Variants in LFNG observed in about 807,000 individuals in gnomAD.
LFNG encodes the protein LFNG O-fucosylpeptide 3-beta-N-acetylglucosaminyltransferase, also known as beta-1,3-N-acetylglucosaminyltransferase lunatic fringe.
A neutral mutation model predicts 32.7 loss-of-function variants in LFNG; 15 were observed. That is an observed-to-expected ratio of 0.46 (90% CI 0.31 to 0.71). LFNG has a LOEUF of 0.71. Ranked by LOEUF, LFNG falls within the 30% of genes least tolerant of loss-of-function variation. LFNG has a pLI of 0.06. For missense variants in LFNG, 520 were observed against 545.7 expected (o/e 0.95, Z 0.47); for synonymous variants, 274 against 246.8 (o/e 1.11, Z -1.03).
At chr7:2,518,726 C>G (rs1411686585), upstream of LFNG, 2 of 1,292,006 alleles carry the variant, frequency 1.5e-6, no homozygotes, top group Admixed American at 2.5e-5. Flanking sequence ...AGAGACCCTG[C>G]TTAGGAGGGC....
chr7:2,526,732 G>T lies in LFNG; in HGVS notation c.988-104G>T. 2.8e-6 allele frequency: 3 copies of T among 1,068,614 alleles called. No individual in the cohort carries two copies. In the Admixed American group the frequency reaches 5.6e-5, roughly 20 times the overall value. 66.2% of individuals were successfully genotyped at this position (1,068,614 alleles called of 1,614,324 possible). A position where few individuals can be genotyped will look rare whatever the true frequency, so the allele number is the denominator to read the frequency against. On this transcript the variant is annotated intron_variant, in intron 6 of 7. Transcript: ENST00000222725. This position sits in a 1 kb window ranked among gnomAD's most constrained non-coding sequence, Gnocchi z 6.9. ...CAGGTGTCCTTCCAGGTCCAAGGGA[G>T]GCCAGGGCAGGGCCGTTGCCTCACT...
In LFNG at chr7:2,527,255, A is replaced by G; in HGVS notation, c.*43A>G. The G allele has an allele frequency of 1.2e-6, 2 of 1,606,506 alleles. No homozygotes were observed. The highest frequency in any genetic ancestry group is 2.2e-5 in the South Asian group (2 of 90,596). ...CAATCCCTGGGCGCCCCTGGTATCCAAAGGGCCCAGGGACCCTGTTGCGCT... is the reference window on the plus strand; with the variant it reads ...CAATCCCTGGGCGCCCCTGGTATCCGAAGGGCCCAGGGACCCTGTTGCGCT... On this transcript the variant is annotated 3_prime_UTR_variant, in exon 8 of 8. Coordinates refer to ENST00000222725, the MANE Select transcript of LFNG (RefSeq NM_001040167.2). The surrounding 1 kb of genome is among the most constrained non-coding windows in gnomAD (Gnocchi z 4.4).
intron 1 of LFNG, among the ~76,000 whole-genome samples, chr7:2,521,364 T>C (rs903980231): frequency 1.3e-5 from 2 of 152,162 alleles, no homozygotes; most frequent in African/African-American, 4.8e-5. Flanking sequence ...TGGGTTTTGT[T>C]TGGCGGCCGG....
At position 2,519,972 on chromosome 7, in the gene LFNG, C is replaced by T; in HGVS notation, c.111C>T (p.Arg37=). 1 of 983,636 alleles carries T rather than the reference C, an allele frequency of 1.0e-6. No individual in the cohort carries two copies. The highest frequency in any genetic ancestry group is 1.2e-6 in the Non-Finnish European group (1 of 830,496). The allele number at this position is 983,636 out of a possible 1,614,324, so 60.9% of individuals were successfully genotyped here. Residue 37 remains arginine (R), a synonymous_variant, in exon 1 of 8, where the codon CGC becomes CGT. Transcript: ENST00000222725. The stretch of plus-strand genomic sequence containing the variant: ...CGCCGCCTCCACTGCCCGCCGAGCG[C>T]GGCCGGCGCGCGCTGCGCAGCCTGG... ...DPPPPPLPAE[R]GRRALRSLAG... is the part of the protein sequence containing the mutation.
At position 2,527,631 on chromosome 7, in the gene LFNG, C is replaced by T. The variant is rs1341889184; in HGVS notation, c.*419C>T. ...AGCTCTGTGCTGGGGGTACCTGTGC[C>T]CTGAAGTCCTGGCCCCTGTGTCATA... On this transcript the variant is annotated 3_prime_UTR_variant, in exon 8 of 8. Coordinates refer to ENST00000222725, the MANE Select transcript of LFNG (RefSeq NM_001040167.2). This position sits in a 1 kb window ranked among gnomAD's most constrained non-coding sequence, Gnocchi z 4.4. 2 of 1,163,096 alleles carry T rather than the reference C, an allele frequency of 1.7e-6. No homozygotes were observed. Among genetic ancestry groups the T allele is most frequent in the East Asian group, 6.0e-5 (1 of 16,628 alleles). The allele number at this position is 1,163,096 out of a possible 1,614,324, so 72.0% of individuals were successfully genotyped here.
upstream of LFNG, among the ~76,000 whole-genome samples, chr7:2,518,135 C>G (rs1779674820): frequency 6.6e-6 from 1 of 152,184 alleles, no homozygotes; most frequent in Admixed American, 6.5e-5. Context: ...TGGGACTCAG[C>G]TGACTTTGTG....
upstream of LFNG, among the ~76,000 whole-genome samples, chr7:2,518,797 C>T (rs975153213): frequency 3.9e-5 from 6 of 152,060 alleles, no homozygotes; most frequent in African/African-American, 1.2e-4. Context: ...GAGGACGTGG[C>T]GGGCAGGGGG....
rs1184216705 is a variant in LFNG, at chr7:2,526,528, A to G, written c.987+119A>G. On this transcript the variant is annotated intron_variant, in intron 6 of 7. Transcript: ENST00000222725. The surrounding 1 kb of genome is among the most constrained non-coding windows in gnomAD (Gnocchi z 6.9). ...AAACAGGGAGGCCAGGCAGCACTCC[A>G]CTGTCAGCCAGGGGGGGTCACTCCT... 6.5e-5 allele frequency: 73 copies of G among 1,121,538 alleles called. No homozygotes were observed. The highest frequency in any genetic ancestry group is 9.1e-5 in the Non-Finnish European group (70 of 773,108). The allele number at this position is 1,121,538 out of a possible 1,614,324, so 69.5% of individuals were successfully genotyped here.
chr7:2,513,409 G>A (rs183399151), upstream of LFNG: 201 of 1,421,188 alleles, frequency 1.4e-4, no homozygotes, highest in African/African-American at 1.5e-3. Context: ...ATGCTGTATC[G>A]TCTTCCCTGA....
chr7:2,525,903 T>G lies in LFNG; in HGVS notation c.821+133T>G, dbSNP rs992152890. Reference sequence around the variant, plus strand: ...GGCACTGCCCACTTACTTCCTATATTCCACTTCCCTCTGGGTTTCAGAGGG... The same window carrying G: ...GGCACTGCCCACTTACTTCCTATATGCCACTTCCCTCTGGGTTTCAGAGGG... On this transcript the variant is annotated intron_variant, in intron 5 of 7. Coordinates refer to ENST00000222725, the MANE Select transcript of LFNG (RefSeq NM_001040167.2). The G allele has an allele frequency of 3.7e-6, 3 of 816,908 alleles. No individual in the cohort carries two copies. The African/African-American group carries it at 5.1e-5, about 14-fold the overall frequency. 50.6% of individuals were successfully genotyped at this position (816,908 alleles called of 1,614,324 possible).
chr7:2,526,459 C>A lies in LFNG; in HGVS notation c.987+50C>A, dbSNP rs754785869. ...AGGACTCCGAGAGCACAGGAAGGGA[C>A]GTGTGGCTGCCGAGAGGGGCGCAGT... On this transcript the variant is annotated intron_variant, in intron 6 of 7. Transcript: ENST00000222725. This position sits in a 1 kb window ranked among gnomAD's most constrained non-coding sequence, Gnocchi z 6.9. 1 of 1,592,094 alleles carries A rather than the reference C, an allele frequency of 6.3e-7. No individual in the cohort carries two copies. The highest frequency in any genetic ancestry group is 8.5e-7 in the Non-Finnish European group (1 of 1,173,100).
intron 1 of LFNG, among the ~76,000 whole-genome samples, chr7:2,521,517 A>G (rs1337166202): frequency 3.9e-5 from 6 of 152,080 alleles, no homozygotes; most frequent in East Asian, 3.9e-4. Context: ...CGTGCTGGCC[A>G]CTCAGGTTGC....
chr7:2,518,396 G>C (rs1375639146), upstream of LFNG, among the ~76,000 whole-genome samples: 1 of 152,232 alleles, frequency 6.6e-6, no homozygotes, highest in Non-Finnish European at 1.5e-5. Flanking sequence ...ACACCACCCA[G>C]CGGGTACAGG....
At position 2,527,541 on chromosome 7, in the gene LFNG, A is replaced by G. The variant is rs1434315943; in HGVS notation, c.*329A>G. On this transcript the variant is annotated 3_prime_UTR_variant, in exon 8 of 8. Transcript: ENST00000222725. The surrounding 1 kb of genome is among the most constrained non-coding windows in gnomAD (Gnocchi z 4.4). ...AGGATTTTTGGATCTTTCTACAGCT[A>G]CGGGGCTCCGGGCTACTTTGCAGGG... is the stretch of plus-strand genomic sequence containing the variant. The G allele has an allele frequency of 4.7e-6, 6 of 1,281,354 alleles. No homozygotes were observed. The South Asian group carries it at 7.8e-5, about 17-fold the overall frequency. 79.4% of individuals were successfully genotyped at this position (1,281,354 alleles called of 1,614,324 possible).
chr7:2,526,619 G>A lies in LFNG; in HGVS notation c.987+210G>A, dbSNP rs1329466767. 1.3e-5 allele frequency among the ~76,000 whole-genome samples: 2 copies of A among 152,120 alleles called. No individual in the cohort carries two copies. Among genetic ancestry groups the A allele is most frequent in the African/African-American group, 2.4e-5 (1 of 41,404 alleles). On this transcript the variant is annotated intron_variant, in intron 6 of 7. Coordinates refer to ENST00000222725, the MANE Select transcript of LFNG (RefSeq NM_001040167.2). The surrounding 1 kb of genome is among the most constrained non-coding windows in gnomAD (Gnocchi z 6.9). ...CCGTCTCTTCTCTTCACTGTGATGC[G>A]CCTACTGTGCGTATTTTGTCCACGC...
In LFNG at chr7:2,527,883, A is replaced by C. The variant is rs1003263822; in HGVS notation, c.*671A>C. The C allele has an allele frequency of 1.0e-6, 1 of 991,520 alleles. No homozygotes were observed. Among genetic ancestry groups the C allele is most frequent in the African/African-American group, 1.7e-5 (1 of 57,306 alleles). The allele number at this position is 991,520 out of a possible 1,614,324, so 61.4% of individuals were successfully genotyped here. ...AGTGGGGAGTCTTCCAGGCCTCCTCAGAGGTCTTCCCTTTGCCTCCCCAGG... is the reference window on the plus strand; with the variant it reads ...AGTGGGGAGTCTTCCAGGCCTCCTCCGAGGTCTTCCCTTTGCCTCCCCAGG... On this transcript the variant is annotated 3_prime_UTR_variant, in exon 8 of 8. Transcript: ENST00000222725. The surrounding 1 kb of genome is among the most constrained non-coding windows in gnomAD (Gnocchi z 4.4).
rs892960860 is a variant in LFNG at position 2,526,047 on chromosome 7, A to C, written c.822-197A>C. Among the ~76,000 whole-genome samples the C allele has an allele frequency of 1.3e-5, 2 of 151,974 alleles. No individual in the cohort carries two copies. The highest frequency in any genetic ancestry group is 2.9e-5 in the Non-Finnish European group (2 of 67,928). On this transcript the variant is annotated intron_variant, in intron 5 of 7. Coordinates refer to ENST00000222725, the MANE Select transcript of LFNG (RefSeq NM_001040167.2). The surrounding 1 kb of genome is among the most constrained non-coding windows in gnomAD (Gnocchi z 6.9). ...CCCTGCACCCAGATTCCCTCCACAG[A>C]GAGCCACGGAGCACAGGAGCTGTGC... is the stretch of plus-strand genomic sequence containing the variant.
At chr7:2,524,993 A>G (rs1779912386) in intron 2 of LFNG, among the ~76,000 whole-genome samples, 1 of 152,202 alleles carries the variant, frequency 6.6e-6, no homozygotes, top group South Asian at 2.1e-4. Flanking sequence ...GGGTGCTGGG[A>G]AAAAGCTGCC....
Position 2,525,469 on chromosome 7 carries a change from C to T in LFNG, c.637C>T (p.Leu213=). The T allele has an allele frequency of 4.3e-6, 7 of 1,612,598 alleles. No homozygotes were observed. The highest frequency in any genetic ancestry group is 5.9e-6 in the Non-Finnish European group (7 of 1,179,864). Residue 213 remains leucine (L), a synonymous_variant, in exon 4 of 8, where the codon CTG becomes TTG. Coordinates refer to ENST00000222725, the MANE Select transcript of LFNG (RefSeq NM_001040167.2). ...NYVNLRALLR[L]LASYPHTRDV... ...CGTCAACCTGCGGGCCCTGCTGCGG[C>T]TGCTGGCCAGCTACCCGCACACGCG...
Sources: allele counts gnomAD v4.1 joint callset (sites outside exome capture counted in the v4.1 genomes callset), GRCh38; gene constraint gnomAD v4.1.1; non-coding constraint Gnocchi (gnomAD v3.1); transcripts MANE v1.5; gene names NCBI Gene and HGNC (gene_info 2026-07-23, HGNC 2026-07-21).